The following CTNNA3 variants were observed in gnomAD, a reference collection of about 807,000 sequenced individuals.
CTNNA3 encodes the protein catenin alpha-3.
Under a neutral mutation model 95.7 loss-of-function variants are expected in CTNNA3, and 76 were observed. The observed-to-expected ratio is 0.79, with a 90% CI of 0.66 to 0.96. The LOEUF is 0.96. Ranked by LOEUF, CTNNA3 falls within the 40% of genes least tolerant of loss-of-function variation. CTNNA3 has a pLI of 0.00. For missense variants in CTNNA3, 1,191 were observed against 1,089.8 expected, an observed-to-expected ratio of 1.09 and a Z score of -1.31; for synonymous variants, 431 against 374.4, an observed-to-expected ratio of 1.15 and a Z score of -1.74.
intron 5 of CTNNA3, among the ~76,000 whole-genome samples, chr10:67,220,773 A>G (rs1411795038): frequency 3.3e-5 from 5 of 152,122 alleles, no homozygotes. Context: ...CAAGAAAAAA[A>G]TCTGGCAAGC....
chr10:67,703,709 C>T (rs757440698), intron 1 of CTNNA3, among the ~76,000 whole-genome samples: 26 of 152,190 alleles, frequency 1.7e-4, no homozygotes, highest in African/African-American at 2.7e-4. Context: ...CCTTTGAAAA[C>T]TGGCACAAGA....
chr10:66,753,129 G>C (rs866334989), intron 9 of CTNNA3, among the ~76,000 whole-genome samples: 4 of 152,128 alleles, frequency 2.6e-5, no homozygotes, highest in Non-Finnish European at 5.9e-5. Context: ...CCTGGACTAA[G>C]GGGGTTGTGG....
intron 7 of CTNNA3, among the ~76,000 whole-genome samples, chr10:66,958,188 A>G (rs1436224813): frequency 1.3e-5 from 2 of 152,060 alleles, no homozygotes; most frequent in Non-Finnish European, 2.9e-5. Context: ...ATAAAAGAGA[A>G]AGGAAGAAAA....
At chr10:67,166,753 A>G (rs192368066) in intron 7 of CTNNA3, among the ~76,000 whole-genome samples, 203 of 152,332 alleles carry the variant, frequency 1.3e-3, no homozygotes, top group African/African-American at 4.5e-3. Flanking sequence ...AAAAAATTGT[A>G]TAGTATTATG....
At chr10:67,306,227 G>A (rs1840548493) in intron 5 of CTNNA3, among the ~76,000 whole-genome samples, 1 of 152,116 alleles carries the variant, frequency 6.6e-6, no homozygotes, top group African/African-American at 2.4e-5. Context: ...GGAGGAACTG[G>A]AACCTTCATC....
At chr10:66,211,474 C>A (rs2088150066) in intron 13 of CTNNA3, among the ~76,000 whole-genome samples, 1 of 151,986 alleles carries the variant, frequency 6.6e-6, no homozygotes, top group African/African-American at 2.4e-5. Context: ...TCTGCAAGTA[C>A]AAAAAAAGCT....
At chr10:66,271,665 A>G (rs1274920268) in intron 13 of CTNNA3, among the ~76,000 whole-genome samples, 1 of 152,114 alleles carries the variant, frequency 6.6e-6, no homozygotes, top group Non-Finnish European at 1.5e-5. Flanking sequence ...TTGGCTCCTT[A>G]TATTCAGCTA....
chr10:67,184,341 TAA>T (rs1442326617), intron 6 of CTNNA3, among the ~76,000 whole-genome samples: 1 of 152,178 alleles, frequency 6.6e-6, no homozygotes, highest in Non-Finnish European at 1.5e-5. Context: ...ATCGTAGTGG[TAA>T]AGCCATGTTC....
rs1464594938 is a variant in CTNNA3, at chr10:65,913,251, T to C, written c.*7079A>G. 1 of 152,112 alleles carries C rather than the reference T, an allele frequency of 6.6e-6. No homozygotes were observed. Among genetic ancestry groups the C allele is most frequent in the Non-Finnish European group, 1.5e-5 (1 of 68,016 alleles). The allele number at this position is 152,112 out of a possible 1,614,324, so 9.4% of individuals were successfully genotyped here. On this transcript the variant is annotated 3_prime_UTR_variant, in exon 18 of 18. Transcript: ENST00000433211. ...CCAAGTTGCTATGAAACTAAAACCA[T>C]AATCAAAATGGAAAACAGGGGCATC... is the stretch of plus-strand genomic sequence containing the variant.
At chr10:67,243,648 G>A (rs964867268) in intron 5 of CTNNA3, among the ~76,000 whole-genome samples, 7 of 152,094 alleles carry the variant, frequency 4.6e-5, no homozygotes, top group South Asian at 2.1e-4. Context: ...CTCCTGTCAC[G>A]GTCACTCTTT....
chr10:67,180,916 T>C (rs1281394904), intron 6 of CTNNA3, among the ~76,000 whole-genome samples: 1 of 152,196 alleles, frequency 6.6e-6, no homozygotes, highest in African/African-American at 2.4e-5. Context: ...TTTACAATAG[T>C]AACTTTTATA....
At chr10:66,768,199 T>C (rs1233639626) in intron 8 of CTNNA3, among the ~76,000 whole-genome samples, 3 of 152,186 alleles carry the variant, frequency 2.0e-5, no homozygotes, top group African/African-American at 7.2e-5. Context: ...TTTATTCTTT[T>C]CTTCTTTCAT....
chr10:66,172,381 C>T (rs1221853254), intron 13 of CTNNA3, among the ~76,000 whole-genome samples: 2 of 151,952 alleles, frequency 1.3e-5, no homozygotes. Context: ...TAACTCTCTG[C>T]CTGTAAGTTA....
rs1057250143 is a variant in CTNNA3, at chr10:65,917,793, G to T, written c.*2537C>A. ...AAATACCTAAATATAAATGTGTCATGCTGATTAGTTTTTAACATAATGGGG... is the reference window on the plus strand; with the variant it reads ...AAATACCTAAATATAAATGTGTCATTCTGATTAGTTTTTAACATAATGGGG... On this transcript the variant is annotated 3_prime_UTR_variant, in exon 18 of 18. Transcript: ENST00000433211. The T allele has an allele frequency of 3.3e-5, 3 of 92,134 alleles. No homozygotes were observed. Among genetic ancestry groups the T allele is most frequent in the African/African-American group, 1.0e-4 (3 of 29,248 alleles). 5.7% of individuals were successfully genotyped at this position (92,134 alleles called of 1,614,324 possible).
intron 9 of CTNNA3, among the ~76,000 whole-genome samples, chr10:66,711,414 T>C (rs1163209110): frequency 2.6e-5 from 4 of 152,108 alleles, no homozygotes; most frequent in African/African-American, 9.7e-5. Flanking sequence ...AACTCTCTAA[T>C]AATGTATCTT....
chr10:66,634,347 G>A (rs970212147), intron 9 of CTNNA3, among the ~76,000 whole-genome samples: 2 of 151,984 alleles, frequency 1.3e-5, no homozygotes, highest in African/African-American at 4.8e-5. Context: ...GCAGAAAATA[G>A]TTTTCATGGT....
chr10:66,632,303 C>T (rs544697893), intron 9 of CTNNA3, among the ~76,000 whole-genome samples: 41 of 151,878 alleles, frequency 2.7e-4, no homozygotes, highest in Admixed American at 5.3e-4. Context: ...TCTGTAATCC[C>T]GGCACTTTGG....
chr10:67,689,130 AT>A (rs1564830266), intron 1 of CTNNA3, among the ~76,000 whole-genome samples: 3 of 152,182 alleles, frequency 2.0e-5, no homozygotes, highest in Admixed American at 1.3e-4. Flanking sequence ...CCACTGTCCT[AT>A]AAAGATGTTA....
chr10:66,085,314 A>G (rs995605335), intron 14 of CTNNA3, among the ~76,000 whole-genome samples: 2 of 152,138 alleles, frequency 1.3e-5, no homozygotes, highest in African/African-American at 4.8e-5. Flanking sequence ...GGAGGAGGAA[A>G]CATGACACAA....
Sources: allele counts gnomAD v4.1 joint callset (sites outside exome capture counted in the v4.1 genomes callset), GRCh38; gene constraint gnomAD v4.1.1; transcripts MANE v1.5; gene names NCBI Gene and HGNC (gene_info 2026-07-23, HGNC 2026-07-21).